CNIH3: variants seen among roughly 807,000 people sequenced by gnomAD.
The protein encoded by CNIH3 is protein cornichon homolog 3.
A neutral mutation model predicts 24.1 loss-of-function variants in CNIH3; 14 were observed. That is an observed-to-expected ratio of 0.58 (90% CI 0.38 to 0.91). The LOEUF is 0.91. Ranked by LOEUF, CNIH3 falls within the 40% of genes least tolerant of loss-of-function variation. The pLI is 0.00. For synonymous variants in CNIH3, 68 were observed against 73.8 expected, an observed-to-expected ratio of 0.92 and a Z score of 0.40; for missense variants, 178 against 196.8, an observed-to-expected ratio of 0.90 and a Z score of 0.57.
intron 3 of CNIH3, among the ~76,000 whole-genome samples, chr1:224,726,578 C>T (rs1689032840): frequency 6.6e-6 from 1 of 152,126 alleles, no homozygotes; most frequent in Non-Finnish European, 1.5e-5. Flanking sequence ...CCAGTGACTT[C>T]CATCTCTCTA....
At chr1:224,716,806 A>G (rs1007309919) in intron 3 of CNIH3, among the ~76,000 whole-genome samples, 3 of 152,060 alleles carry the variant, frequency 2.0e-5, no homozygotes, top group Admixed American at 1.3e-4. Context: ...GTGGTCACCT[A>G]GGGAGTGGGT....
chr1:224,555,056 G>A (rs1031299374), intron 3 of CNIH3, among the ~76,000 whole-genome samples: 4 of 152,154 alleles, frequency 2.6e-5, no homozygotes, highest in African/African-American at 9.7e-5. Context: ...TAGTAGGGGA[G>A]GTGGTAGTGT....
At chr1:224,654,754 G>A (rs1685020392) in intron 1 of CNIH3, among the ~76,000 whole-genome samples, 1 of 152,134 alleles carries the variant, frequency 6.6e-6, no homozygotes, top group Non-Finnish European at 1.5e-5. Flanking sequence ...GCATTACCAA[G>A]ATTTTTAATA....
intron 3 of CNIH3, among the ~76,000 whole-genome samples, chr1:224,723,271 G>A (rs1382903939): frequency 6.6e-6 from 1 of 152,202 alleles, no homozygotes; most frequent in East Asian, 1.9e-4. Context: ...GGGCCTCTGG[G>A]CCATCACACC....
intron 1 of CNIH3, among the ~76,000 whole-genome samples, chr1:224,507,537 G>T (rs1342591103): frequency 4.6e-5 from 7 of 152,106 alleles, no homozygotes; most frequent in Non-Finnish European, 7.4e-5. Flanking sequence ...ATCTTTCTCT[G>T]GTGTATATGT....
At chr1:224,613,440 G>A (rs975114906), upstream of CNIH3, among the ~76,000 whole-genome samples, 7 of 152,176 alleles carry the variant, frequency 4.6e-5, no homozygotes, top group Non-Finnish European at 1.0e-4. Flanking sequence ...TGCTCAGAAG[G>A]GCCTCATGCT....
chr1:224,534,876 C>G (rs754159208), intron 2 of CNIH3, among the ~76,000 whole-genome samples: 1 of 152,166 alleles, frequency 6.6e-6, no homozygotes, highest in Admixed American at 6.5e-5. Flanking sequence ...TCCTAAGTAC[C>G]TCTTGCCAAT....
chr1:224,707,603 A>G (rs57475543), intron 3 of CNIH3, among the ~76,000 whole-genome samples: 1,644 of 152,298 alleles, frequency 0.011, 38 homozygotes, highest in African/African-American at 0.038. Context: ...CATGACTTGA[A>G]TAGCATAGTG....
At position 224,704,816 on chromosome 1, in the gene CNIH3, AATCACACATTGC is replaced by A. The variant is rs1170039468; in HGVS notation, c.198+19975_198+19986del. ...TTTTTAAATTCAGGATCCAATCAAA[AATCACACATTGC>A]ACCAGGCACAGTGGCTCATGCCTGT... On this transcript the variant is annotated intron_variant, in intron 3 of 5. Transcript: ENST00000272133. This position sits in a 1 kb window ranked among gnomAD's most constrained non-coding sequence, Gnocchi z 4.2. Among the ~76,000 whole-genome samples, 2 of 152,122 alleles carry A rather than the reference AATCACACATTGC, an allele frequency of 1.3e-5. No individual in the cohort carries two copies. Among genetic ancestry groups the A allele is most frequent in the Non-Finnish European group, 2.9e-5 (2 of 68,016 alleles).
chr1:224,529,505 G>A (rs959800330), intron 2 of CNIH3: 2 of 152,174 alleles, frequency 1.3e-5, no homozygotes, highest in African/African-American at 4.8e-5. Flanking sequence ...TGCTATCAAA[G>A]TACTCAATAT....
chr1:224,647,660 A>T (rs1044873054), intron 1 of CNIH3, among the ~76,000 whole-genome samples: 1 of 152,092 alleles, frequency 6.6e-6, no homozygotes, highest in Non-Finnish European at 1.5e-5. Context: ...ATGTGTGTTA[A>T]CCCCACTTCT....
intron 1 of CNIH3, among the ~76,000 whole-genome samples, chr1:224,448,715 C>A (rs1572259733): frequency 6.6e-6 from 1 of 152,162 alleles, no homozygotes; most frequent in East Asian, 1.9e-4. Flanking sequence ...ATTTCATGTA[C>A]CCACACCAGA....
At chr1:224,586,136 A>T (rs1191555838) in intron 5 of CNIH3, among the ~76,000 whole-genome samples, 1 of 152,200 alleles carries the variant, frequency 6.6e-6, no homozygotes, top group African/African-American at 2.4e-5. Context: ...TGGGATCTGA[A>T]CCTTGAAAAG....
chr1:224,513,948 G>A (rs1678275236), upstream of CNIH3: 1 of 152,180 alleles, frequency 6.6e-6, no homozygotes, highest in South Asian at 2.1e-4. Flanking sequence ...TGAGCGACAG[G>A]GCCTGAGGCT....
chr1:224,689,401 C>T (rs1047959488), intron 3 of CNIH3, among the ~76,000 whole-genome samples: 3 of 152,192 alleles, frequency 2.0e-5, no homozygotes, highest in Non-Finnish European at 4.4e-5. Flanking sequence ...CTTGGCCAGC[C>T]GAGATAATCC....
chr1:224,649,701 C>T (rs953797710), intron 1 of CNIH3, among the ~76,000 whole-genome samples: 3 of 152,274 alleles, frequency 2.0e-5, no homozygotes, highest in East Asian at 1.9e-4. Flanking sequence ...GAAATCCCAG[C>T]GGTTCCTCCT....
At chr1:224,574,199 G>A (rs1180724157) in intron 4 of CNIH3, among the ~76,000 whole-genome samples, 7 of 152,018 alleles carry the variant, frequency 4.6e-5, no homozygotes, top group Admixed American at 2.0e-4. Flanking sequence ...GGTCCCTATG[G>A]CCATAATAAA....
intron 1 of CNIH3, among the ~76,000 whole-genome samples, chr1:224,674,163 C>T (rs904318702): frequency 6.6e-6 from 1 of 151,762 alleles, no homozygotes; most frequent in East Asian, 1.9e-4. Flanking sequence ...AGAGAAAGTC[C>T]CAGAGAAAAC....
At chr1:224,472,433 A>G (rs1177489647) in intron 1 of CNIH3, among the ~76,000 whole-genome samples, 1 of 152,232 alleles carries the variant, frequency 6.6e-6, no homozygotes, top group East Asian at 1.9e-4. Context: ...ATATATGTAT[A>G]CATCATGGAA....
Sources: allele counts gnomAD v4.1 joint callset (sites outside exome capture counted in the v4.1 genomes callset), GRCh38; gene constraint gnomAD v4.1.1; non-coding constraint Gnocchi (gnomAD v3.1); transcripts MANE v1.5; gene names NCBI Gene and HGNC (gene_info 2026-07-23, HGNC 2026-07-21).